TC2N: variants seen among roughly 807,000 people sequenced by gnomAD.
The protein encoded by TC2N is tandem C2 domains nuclear protein.
TC2N carries 51 observed loss-of-function variants against 61.9 expected under a neutral mutation model. The ratio of observed to expected loss-of-function variants is 0.82; its 90% CI spans 0.66 to 1.04. The LOEUF (loss-of-function observed/expected upper bound fraction) is 1.04, where lower values mean the gene tolerates loss of function less well. Among genes scored for constraint, TC2N ranks in the 50% least tolerant of loss-of-function variants. The pLI is 0.00. For missense variants in TC2N, 556 were observed against 566.7 expected, an observed-to-expected ratio of 0.98 and a Z score of 0.19; for synonymous variants, 204 against 192.6, an observed-to-expected ratio of 1.06 and a Z score of -0.49.
intron 1 of TC2N, among the ~76,000 whole-genome samples, chr14:91,864,004 A>G (rs1367372519): frequency 1.3e-5 from 2 of 152,002 alleles, no homozygotes; most frequent in African/African-American, 4.8e-5. Context: ...AAAAAGAAAA[A>G]AACCCAGAAT....
At chr14:91,806,615 G>C (rs548356107) in intron 3 of TC2N, among the ~76,000 whole-genome samples, 1 of 152,268 alleles carries the variant, frequency 6.6e-6, no homozygotes, top group East Asian at 1.9e-4. Context: ...AGATGATTTA[G>C]GGTATCTGGT....
At chr14:91,839,979 A>G (rs979421357) in intron 1 of TC2N, among the ~76,000 whole-genome samples, 2 of 152,324 alleles carry the variant, frequency 1.3e-5, no homozygotes, top group African/African-American at 2.4e-5. Context: ...GTTCTGACCA[A>G]TGGAATTTGA....
intron 1 of TC2N, among the ~76,000 whole-genome samples, chr14:91,830,208 G>A (rs375764862): frequency 1.1e-4 from 16 of 152,148 alleles, no homozygotes; most frequent in East Asian, 7.7e-4. Context: ...ATACCTATGA[G>A]CATAGAAAAC....
chr14:91,854,515 G>T (rs1161569288), intron 1 of TC2N, among the ~76,000 whole-genome samples: 1 of 44,704 alleles, frequency 2.2e-5, no homozygotes, highest in African/African-American at 7.7e-5. Context: ...AGGTGGAGGA[G>T]GAGGAGGAGG....
At chr14:91,812,060 G>T in intron 3 of TC2N, 1 of 195,492 alleles carries the variant, frequency 5.1e-6, no homozygotes, top group Non-Finnish European at 1.0e-5. Context: ...GGAACCCAAA[G>T]ATATGGAGGG....
intron 1 of TC2N, among the ~76,000 whole-genome samples, chr14:91,834,349 C>T (rs2139900134): frequency 6.6e-6 from 1 of 152,320 alleles, no homozygotes; most frequent in East Asian, 1.9e-4. Context: ...CTCTCAGCTT[C>T]TGCTACTTAA....
At chr14:91,845,650 A>C (rs1888256027) in intron 1 of TC2N, among the ~76,000 whole-genome samples, 1 of 152,236 alleles carries the variant, frequency 6.6e-6, no homozygotes, top group African/African-American at 2.4e-5. Context: ...GTAAGGGAAC[A>C]TATATGGGAA....
chr14:91,823,250 G>A (rs1485008314), intron 1 of TC2N, among the ~76,000 whole-genome samples: 1 of 151,970 alleles, frequency 6.6e-6, no homozygotes, highest in Non-Finnish European at 1.5e-5. Flanking sequence ...GCCAGGCATG[G>A]TGGCTCATGC....
At chr14:91,844,529 C>T (rs1306119065) in intron 1 of TC2N, among the ~76,000 whole-genome samples, 2 of 151,526 alleles carry the variant, frequency 1.3e-5, no homozygotes, top group South Asian at 2.1e-4. Flanking sequence ...TGTGGGAGGC[C>T]GAGGCGGGCA....
intron 1 of TC2N, among the ~76,000 whole-genome samples, chr14:91,862,882 G>GAACAAC (rs895317837): frequency 4.6e-5 from 7 of 152,156 alleles, no homozygotes; most frequent in Non-Finnish European, 7.3e-5. Context: ...AGTTCCAACA[G>GAACAAC]AACAACAACA....
At position 91,785,418 on chromosome 14, in the gene TC2N, G is replaced by A. The variant is rs562304716; in HGVS notation, c.1163-57C>T. 380 of 1,290,968 alleles carry A rather than the reference G, an allele frequency of 2.9e-4. 1 individual carries two copies. Among genetic ancestry groups the A allele is most frequent in the Non-Finnish European group, 4.0e-4 (357 of 898,022 alleles). The allele number at this position is 1,290,968 out of a possible 1,614,324, so 80.0% of individuals were successfully genotyped here. A position where few individuals can be genotyped will look rare whatever the true frequency, so the allele number is the denominator to read the frequency against. ...GTTATTCAAAATACCATATAAAGAT[G>A]TGTATATACACATCCAAGTTGGAAT... On this transcript the variant is annotated intron_variant, in intron 10 of 11. Transcript: ENST00000435962.
chr14:91,800,869 G>A (rs557579151), intron 4 of TC2N, among the ~76,000 whole-genome samples: 4 of 151,902 alleles, frequency 2.6e-5, no homozygotes, highest in Non-Finnish European at 5.9e-5. Flanking sequence ...AGTAGTGAAC[G>A]TAAGGCAGGC....
rs1458291515 is a variant in TC2N, at chr14:91,785,170, CAA to C, written c.1352_1353del (p.Phe451CysfsTer8). On this transcript the variant is annotated frameshift_variant, in exon 11 of 12. Coordinates refer to ENST00000435962, the MANE Select transcript of TC2N (RefSeq NM_001128596.3). LOFTEE classifies it high-confidence loss of function. ...TAAAAACTCCTACTAACCTGGCCCA[CAA>C]AGTGTTTTCTTCTTACAGAGCTTCG... ...YSRSSVRRKHFVGQIWISEDS... is the reference protein window; with the variant it reads ...YSRSSVRRKHXVGQIWISEDS... 1.9e-6 allele frequency: 3 copies of C among 1,611,882 alleles called. No homozygotes were observed. Among genetic ancestry groups the C allele is most frequent in the Admixed American group, 3.3e-5 (2 of 59,860 alleles).
chr14:91,846,369 G>T (rs1446171101), intron 1 of TC2N, among the ~76,000 whole-genome samples: 1 of 152,094 alleles, frequency 6.6e-6, no homozygotes, highest in African/African-American at 2.4e-5. Flanking sequence ...AGATCAAGAA[G>T]AATTTTTTTT....
Position 91,812,418 on chromosome 14 carries a change from T to G in TC2N, c.195A>C (p.Lys65Asn), listed in dbSNP as rs757367798. ...LGCTEDYLLSKLPSDGKEVPF... is the reference protein window; with the variant it reads ...LGCTEDYLLSNLPSDGKEVPF... ...GTACTTCTTTGCCATCAGATGGTAA[T>G]TTGGAAAGCAAATAATCCTCAGTAC... The change falls in exon 3 of 12, where the codon AAA (lysine) becomes AAC (asparagine). Residue 65 changes from lysine (K) to asparagine (N), a missense_variant. Physicochemically the swap from Lys to Asn is moderately conservative, Grantham distance 94. Coordinates refer to ENST00000435962, the MANE Select transcript of TC2N (RefSeq NM_001128596.3). The G allele has an allele frequency of 3.7e-6, 6 of 1,612,678 alleles. No homozygotes were observed. The highest frequency in any genetic ancestry group is 5.1e-6 in the Non-Finnish European group (6 of 1,179,080).
chr14:91,831,805 G>C (rs998209935), intron 1 of TC2N, among the ~76,000 whole-genome samples: 1 of 151,938 alleles, frequency 6.6e-6, no homozygotes, highest in African/African-American at 2.4e-5. Context: ...AAATTGAGAA[G>C]GTACAGAGAT....
chr14:91,796,817 G>C (rs956051882), intron 8 of TC2N, among the ~76,000 whole-genome samples: 2 of 152,080 alleles, frequency 1.3e-5, no homozygotes, highest in African/African-American at 4.8e-5. Flanking sequence ...GTTGCTGTAA[G>C]TCACCCAGTT....
chr14:91,810,222 G>T (rs1566772614), intron 3 of TC2N, among the ~76,000 whole-genome samples: 1 of 152,212 alleles, frequency 6.6e-6, no homozygotes, highest in East Asian at 1.9e-4. Flanking sequence ...TTATCACCAA[G>T]GAGATGGTGC....
intron 1 of TC2N, among the ~76,000 whole-genome samples, chr14:91,844,362 AGCCAAACAACATCCTT>A (rs1437749405): frequency 1.3e-5 from 2 of 152,234 alleles, no homozygotes; most frequent in African/African-American, 4.8e-5. Context: ...GGGGAGGAAG[AGCCAAACAACATCCTT>A]GCCAAACAAA....
Sources: allele counts gnomAD v4.1 joint callset (sites outside exome capture counted in the v4.1 genomes callset), GRCh38; gene constraint gnomAD v4.1.1; transcripts MANE v1.5; gene names NCBI Gene and HGNC (gene_info 2026-07-23, HGNC 2026-07-21).